Variants in RIC8B observed in about 807,000 individuals in gnomAD.
RIC8B encodes the protein RIC8 guanine nucleotide exchange factor B, also known as chaperone Ric-8B.
Under a neutral mutation model 57.5 loss-of-function variants are expected in RIC8B, and 16 were observed. That is an observed-to-expected ratio of 0.28 (90% CI 0.19 to 0.42). The LOEUF (loss-of-function observed/expected upper bound fraction) is 0.42. RIC8B is among the 10% of genes least tolerant of loss of function. The pLI is 1.00. For synonymous variants in RIC8B, 216 were observed against 250.8 expected (o/e 0.86, Z 1.31); for missense variants, 481 against 677.0 (o/e 0.71, Z 3.21).
At position 106,867,639 on chromosome 12, in the gene RIC8B, GCTATTATTTGTTTT is replaced by G. The variant is rs1378141993; in HGVS notation, c.1452-3181_1452-3168del. On this transcript the variant is annotated intron_variant, in intron 8 of 9. Coordinates refer to ENST00000392837, the MANE Select transcript of RIC8B (RefSeq NM_001330145.2). The surrounding 1 kb of genome is among the most constrained non-coding windows in gnomAD (Gnocchi z 4.3). ...ATCTCACGTCTTTGTTGTCACAATG[GCTATTATTTGTTTT>G]CTCTTCCTTTCTGGGTAGGGAAACT... Among the ~76,000 whole-genome samples the G allele has an allele frequency of 1.3e-5, 2 of 152,120 alleles. No individual in the cohort carries two copies. The highest frequency in any genetic ancestry group is 2.9e-5 in the Non-Finnish European group (2 of 68,024).
chr12:106,839,001 A>AC (rs1491312456), intron 4 of RIC8B, among the ~76,000 whole-genome samples: 2 of 151,932 alleles, frequency 1.3e-5, no homozygotes, highest in South Asian at 2.1e-4. Flanking sequence ...AAAAAAAAAA[A>AC]ACCTCAAAAA....
intron 3 of RIC8B, among the ~76,000 whole-genome samples, chr12:106,816,450 C>T (rs897444057): frequency 2.0e-5 from 3 of 152,126 alleles, no homozygotes; most frequent in African/African-American, 7.2e-5. Context: ...TGGGACTTGG[C>T]AAGAAAAGAT....
chr12:106,809,522 CAAAA>C (rs201411394), intron 2 of RIC8B, among the ~76,000 whole-genome samples: 1 of 105,550 alleles, frequency 9.5e-6, no homozygotes. Flanking sequence ...ACTCTTGTCT[CAAAA>C]AAAAAAAAAA....
chr12:106,788,927 A>G (rs1181719557), intron 2 of RIC8B, among the ~76,000 whole-genome samples: 1 of 152,206 alleles, frequency 6.6e-6, no homozygotes, highest in Admixed American at 6.5e-5. Context: ...TTCTCCTCAG[A>G]AAATGGGTTT....
At chr12:106,789,662 T>C (rs2044183855) in intron 2 of RIC8B, among the ~76,000 whole-genome samples, 1 of 152,072 alleles carries the variant, frequency 6.6e-6, no homozygotes, top group South Asian at 2.1e-4. Flanking sequence ...TGATTCAAAT[T>C]ATCTCTCAGC....
intron 2 of RIC8B, among the ~76,000 whole-genome samples, chr12:106,810,885 T>A (rs2045306991): frequency 6.6e-6 from 1 of 152,240 alleles, no homozygotes; most frequent in Non-Finnish European, 1.5e-5. Context: ...TCTCATTTAA[T>A]TCTTGCAGTA....
At chr12:106,796,907 G>T (rs939446210) in intron 2 of RIC8B, among the ~76,000 whole-genome samples, 7 of 152,134 alleles carry the variant, frequency 4.6e-5, no homozygotes. Context: ...ATATACAAAT[G>T]GTCAGTAAAG....
chr12:106,865,902 C>G (rs984064616), intron 8 of RIC8B, among the ~76,000 whole-genome samples: 5 of 152,320 alleles, frequency 3.3e-5, no homozygotes, highest in African/African-American at 1.2e-4. Flanking sequence ...TTTCTGTTGA[C>G]TGCTGTTCCT....
chr12:106,785,833 G>C (rs2043995203), intron 2 of RIC8B, among the ~76,000 whole-genome samples: 3 of 103,912 alleles, frequency 2.9e-5, no homozygotes, highest in African/African-American at 3.4e-5. Flanking sequence ...GTGTGTGTGT[G>C]TGTGTGTGTG....
At position 106,796,978 on chromosome 12, in the gene RIC8B, C is replaced by T. The variant is rs1431704204; in HGVS notation, c.132+12934C>T. Among the ~76,000 whole-genome samples, 3 of 152,166 alleles carry T rather than the reference C, an allele frequency of 2.0e-5. No individual in the cohort carries two copies. The East Asian group carries it at 5.8e-4, about 29-fold the overall frequency. Reference sequence around the variant, plus strand: ...TCAAAACCACCATAAAATATCAATTCATACCCACTAGGATGGCTAAAACAA... The same window carrying T: ...TCAAAACCACCATAAAATATCAATTTATACCCACTAGGATGGCTAAAACAA... On this transcript the variant is annotated intron_variant, in intron 2 of 9. Transcript: ENST00000392837.
chr12:106,852,733 A>G (rs1949526409), intron 7 of RIC8B, among the ~76,000 whole-genome samples: 1 of 152,190 alleles, frequency 6.6e-6, no homozygotes, highest in Non-Finnish European at 1.5e-5. Flanking sequence ...TTTCTGCCAT[A>G]TTTCCTCTCA....
chr12:106,792,777 A>G (rs2044313297), intron 2 of RIC8B, among the ~76,000 whole-genome samples: 1 of 152,180 alleles, frequency 6.6e-6, no homozygotes, highest in Non-Finnish European at 1.5e-5. Context: ...GCACTCCAGC[A>G]TGGGTGACAG....
chr12:106,825,779 A>G lies in RIC8B; in HGVS notation c.795A>G (p.Leu265=). Residue 265 remains leucine (L), a synonymous_variant, in exon 4 of 10, where the codon CTA becomes CTG. Transcript: ENST00000392837. ...CAGCTGTCCTTCGTCATTGTTTACT[A>G]ATCGTAGGTCCAACTGAAGACAAAA... is the stretch of plus-strand genomic sequence containing the variant. ...VMAAVLRHCL[L]IVGPTEDKTE... is the part of the protein sequence containing the mutation. 1.9e-6 allele frequency: 3 copies of G among 1,613,732 alleles called. No individual in the cohort carries two copies. The highest frequency in any genetic ancestry group is 1.3e-5 in the African/African-American group (1 of 75,010).
intron 2 of RIC8B, among the ~76,000 whole-genome samples, chr12:106,788,525 G>T (rs1245903239): frequency 2.0e-5 from 3 of 152,196 alleles, no homozygotes; most frequent in Admixed American, 1.3e-4. Flanking sequence ...TTTTGCCTGG[G>T]CATCCAGGCC....
At chr12:106,868,965 A>G (rs1479172786) in intron 8 of RIC8B, among the ~76,000 whole-genome samples, 1 of 149,888 alleles carries the variant, frequency 6.7e-6, no homozygotes, top group Non-Finnish European at 1.5e-5. Context: ...TGACAAGGCT[A>G]TGGGTTTTCA....
rs1485250367 is a variant in RIC8B at position 106,815,142 on chromosome 12, G to A, written c.579G>A (p.Thr193=). ...AGCTCCAGGGACTACCGCTGCTAAC[G>A]CAGATCTTGGAAAGTGCCTTTAGCA... ...RYELQGLPLL[T]QILESAFSIK... Residue 193 remains threonine, a synonymous_variant, in exon 3 of 10, where the codon ACG becomes ACA. Transcript: ENST00000392837. The A allele has an allele frequency of 5.2e-5, 84 of 1,614,084 alleles. No homozygotes were observed. Among genetic ancestry groups the A allele is most frequent in the Non-Finnish European group, 6.9e-5 (81 of 1,180,046 alleles).
chr12:106,799,414 CTATT>C (rs2044630648), intron 2 of RIC8B, among the ~76,000 whole-genome samples: 1 of 152,144 alleles, frequency 6.6e-6, no homozygotes, highest in Non-Finnish European at 1.5e-5. Context: ...TTATCCCTAT[CTATT>C]TAGAGTTAAG....
intron 2 of RIC8B, among the ~76,000 whole-genome samples, chr12:106,795,573 A>G (rs1008393949): frequency 2.0e-5 from 3 of 152,100 alleles, no homozygotes; most frequent in Admixed American, 6.5e-5. Flanking sequence ...ACCTCATCTT[A>G]TTATGCAAAT....
chr12:106,774,767 T>G lies in RIC8B; in HGVS notation c.22T>G (p.Tyr8Asp), dbSNP rs770326931. The stretch of plus-strand genomic sequence containing the variant: ...GGCCATGGATGAGGAGCGCGCCCTC[T>G]ACATCGTCCGGGCCGGCGAAGCAGG... MDEERAL[Y>D]IVRAGEAGAI... Residue 8 changes from tyrosine (Y) to aspartate (D), a missense_variant, in exon 1 of 10, where the codon TAC (tyrosine) becomes GAC (aspartate). This residue lies in a region of RIC8B where 421 missense variants were observed against 560.9 expected (regional missense o/e 0.75). Transcript: ENST00000392837. 2.6e-6 allele frequency: 4 copies of G among 1,551,776 alleles called. No homozygotes were observed. The highest frequency in any genetic ancestry group is 3.9e-5 in the Admixed American group (2 of 51,078).
Sources: gnomAD v4.1 joint callset for allele counts (sites outside exome capture counted in the v4.1 genomes callset) on GRCh38, gnomAD v4.1.1 for gene constraint, gnomAD v4.1.1 regional missense constraint, Gnocchi (gnomAD v3.1) non-coding constraint, MANE v1.5 for transcripts, NCBI Gene and HGNC (gene_info 2026-07-23, HGNC 2026-07-21) for gene names.